Variants in KCNT2 observed in about 807,000 individuals in gnomAD.
The protein encoded by KCNT2 is potassium sodium-activated channel subfamily T member 2.
A neutral mutation model predicts 153.8 loss-of-function variants in KCNT2; 67 were observed. That is an observed-to-expected ratio of 0.44 (90% confidence interval 0.36 to 0.53). The LOEUF (loss-of-function observed/expected upper bound fraction) is 0.53, where lower values mean the gene tolerates loss of function less well. Among genes scored for constraint, KCNT2 ranks in the 20% least tolerant of loss-of-function variants. The pLI, the probability that KCNT2 is intolerant of heterozygous loss-of-function variation, is 0.00. For missense variants in KCNT2, 975 were observed against 1,354.8 expected, an observed-to-expected ratio of 0.72 and a Z score of 4.40; for synonymous variants, 500 against 458.8, an observed-to-expected ratio of 1.09 and a Z score of -1.15.
chr1:196,424,354 T>A (rs560249619), intron 11 of KCNT2, among the ~76,000 whole-genome samples: 4 of 151,992 alleles, frequency 2.6e-5, no homozygotes, highest in Non-Finnish European at 1.5e-5. Flanking sequence ...GTTTATTGTG[T>A]GAAGAACTTA....
At chr1:196,389,882 TG>T (rs1670320698) in intron 13 of KCNT2, among the ~76,000 whole-genome samples, 1 of 151,700 alleles carries the variant, frequency 6.6e-6, no homozygotes, top group South Asian at 2.1e-4. Context: ...AATGCCCTGC[TG>T]ATCGCCAAGG....
intron 1 of KCNT2, among the ~76,000 whole-genome samples, chr1:196,544,809 A>C (rs1656862486): frequency 6.6e-6 from 1 of 152,128 alleles, no homozygotes; most frequent in Non-Finnish European, 1.5e-5. Flanking sequence ...ACGAGCTTGC[A>C]CTTTCATGTC....
intron 25 of KCNT2, among the ~76,000 whole-genome samples, chr1:196,265,949 T>G (rs911150671): frequency 6.6e-6 from 1 of 152,044 alleles, no homozygotes; most frequent in Non-Finnish European, 1.5e-5. Flanking sequence ...GAAGGAGGCT[T>G]GTAAAAATGA....
At chr1:196,280,624 C>G (rs1659005071) in intron 25 of KCNT2, among the ~76,000 whole-genome samples, 1 of 152,038 alleles carries the variant, frequency 6.6e-6, no homozygotes, top group South Asian at 2.1e-4. Context: ...CATCTAAAGC[C>G]CAACATCCAT....
chr1:196,316,125 G>T, intron 20 of KCNT2, 99 bp from the exon 21 acceptor site: 1 of 1,056,680 alleles, frequency 9.5e-7, no homozygotes, highest in Non-Finnish European at 1.3e-6. Context: ...TATATAAGTT[G>T]CCTTTAGAGG....
chr1:196,565,299 G>A (rs1572846521), intron 1 of KCNT2, among the ~76,000 whole-genome samples: 1 of 151,860 alleles, frequency 6.6e-6, no homozygotes, highest in East Asian at 1.9e-4. Flanking sequence ...GATAAGTGTT[G>A]GCTAGAATGT....
chr1:196,426,636 T>C (rs555199210), intron 10 of KCNT2, among the ~76,000 whole-genome samples: 2 of 152,100 alleles, frequency 1.3e-5, no homozygotes, highest in South Asian at 4.1e-4. Context: ...ACATTCACCA[T>C]TTTACTGCTG....
At chr1:196,416,263 T>A (rs1334499072) in intron 12 of KCNT2, among the ~76,000 whole-genome samples, 1 of 152,000 alleles carries the variant, frequency 6.6e-6, no homozygotes, top group African/African-American at 2.4e-5. Context: ...AATTTGGATA[T>A]GCCAAAAAGA....
At chr1:196,263,741 T>G (rs1657249944) in intron 25 of KCNT2, among the ~76,000 whole-genome samples, 1 of 152,186 alleles carries the variant, frequency 6.6e-6, no homozygotes, top group East Asian at 1.9e-4. Flanking sequence ...ATGCTAGTGG[T>G]TTTTCACTAC....
chr1:196,400,047 G>T (rs936098788), intron 12 of KCNT2, among the ~76,000 whole-genome samples: 1 of 151,782 alleles, frequency 6.6e-6, no homozygotes, highest in Non-Finnish European at 1.5e-5. Context: ...TAAGTTACAA[G>T]AAAGTTGATG....
chr1:196,435,155 A>ATATG (rs1674534089), intron 8 of KCNT2, among the ~76,000 whole-genome samples: 1 of 111,148 alleles, frequency 9.0e-6, no homozygotes, highest in Non-Finnish European at 2.1e-5. Flanking sequence ...ATATATATAT[A>ATATG]TATATATATA....
At chr1:196,259,780 A>C (rs1440766909) in intron 25 of KCNT2, among the ~76,000 whole-genome samples, 3 of 151,934 alleles carry the variant, frequency 2.0e-5, no homozygotes, top group Non-Finnish European at 2.9e-5. Context: ...AGGGATATCC[A>C]AAAAATCTTC....
intron 16 of KCNT2, among the ~76,000 whole-genome samples, chr1:196,336,442 T>A (rs1371932933): frequency 1.3e-5 from 2 of 152,252 alleles, no homozygotes; most frequent in East Asian, 3.9e-4. Context: ...TCTTTTCACT[T>A]CCTTACTTAA....
At chr1:196,378,725 A>G (rs1355265646) in intron 13 of KCNT2, among the ~76,000 whole-genome samples, 2 of 148,090 alleles carry the variant, frequency 1.4e-5, no homozygotes, top group Admixed American at 6.8e-5. Flanking sequence ...ACAGCAATAT[A>G]ATATATAATA....
intron 5 of KCNT2, among the ~76,000 whole-genome samples, chr1:196,469,895 C>T (rs1338550274): frequency 1.3e-5 from 2 of 152,140 alleles, no homozygotes; most frequent in African/African-American, 4.8e-5. Flanking sequence ...AATTTGAAAT[C>T]TGCTATACTG....
rs544102044 is a variant in KCNT2, at chr1:196,349,590, C to A, written c.1404-7362G>T. Among the ~76,000 whole-genome samples the A allele has an allele frequency of 2.0e-5, 3 of 152,050 alleles. No individual in the cohort carries two copies. The South Asian group carries it at 6.2e-4, about 32-fold the overall frequency. ...CATTCCACTCTTCCTTATTTCCTAG[C>A]GGTACACCCTATAGACTCTAGCTTC... is the stretch of plus-strand genomic sequence containing the variant. On this transcript the variant is annotated intron_variant, in intron 14 of 27. Transcript: ENST00000294725.
intron 1 of KCNT2, among the ~76,000 whole-genome samples, chr1:196,503,934 T>C (rs530055560): frequency 6.6e-6 from 1 of 152,336 alleles, no homozygotes; most frequent in East Asian, 1.9e-4. Flanking sequence ...TCTTAGTATG[T>C]AATGCACTTG....
chr1:196,472,537 C>A (rs972173261), intron 5 of KCNT2, among the ~76,000 whole-genome samples: 1 of 152,040 alleles, frequency 6.6e-6, no homozygotes, highest in African/African-American at 2.4e-5. Context: ...TAGCTCGAAC[C>A]AATATTTTAT....
intron 1 of KCNT2, among the ~76,000 whole-genome samples, chr1:196,598,942 C>A (rs1664403049): frequency 6.6e-6 from 1 of 152,200 alleles, no homozygotes; most frequent in African/African-American, 2.4e-5. Context: ...TTATCTTCTG[C>A]ATTTTTATTG....
Sources: allele counts gnomAD v4.1 joint callset (sites outside exome capture counted in the v4.1 genomes callset), GRCh38; gene constraint gnomAD v4.1.1; transcripts MANE v1.5; gene names NCBI Gene and HGNC (gene_info 2026-07-23, HGNC 2026-07-21).